GALNT14: variants seen among roughly 807,000 people sequenced by gnomAD.
The protein encoded by GALNT14 is polypeptide N-acetylgalactosaminyltransferase 14, also known as UDP-GalNAc:polypeptide N-acetylgalactosaminyltransferase 14.
Under a neutral mutation model 77.5 loss-of-function variants are expected in GALNT14, and 60 were observed. The ratio of observed to expected loss-of-function variants is 0.77; its 90% CI spans 0.63 to 0.96. The LOEUF is 0.96. Ranked by LOEUF, GALNT14 falls within the 40% of genes least tolerant of loss-of-function variation. The pLI, the probability that GALNT14 is intolerant of heterozygous loss-of-function variation, is 0.00. For missense variants in GALNT14, 710 were observed against 731.0 expected, an observed-to-expected ratio of 0.97 and a Z score of 0.33; for synonymous variants, 280 against 281.7, an observed-to-expected ratio of 0.99 and a Z score of 0.06.
chr2:30,944,715 T>C, intron 8 of GALNT14, 143 bp downstream of exon 8: 1 of 601,886 alleles, frequency 1.7e-6, no homozygotes, highest in South Asian at 3.7e-5. Flanking sequence ...CCTCCTAAAA[T>C]AAAGGCAAAA....
chr2:31,041,091 T>G (rs1242443518), intron 1 of GALNT14, among the ~76,000 whole-genome samples: 1 of 152,082 alleles, frequency 6.6e-6, no homozygotes, highest in African/African-American at 2.4e-5. Flanking sequence ...AGCTTACAAT[T>G]CAGTGCAGCA....
chr2:31,079,185 AGT>A, intron 1 of GALNT14: 1 of 554,972 alleles, frequency 1.8e-6, no homozygotes, highest in Non-Finnish European at 2.7e-6. Flanking sequence ...TCAGTGTGGA[AGT>A]TGGCTGGACA....
intron 1 of GALNT14, among the ~76,000 whole-genome samples, chr2:31,118,222 C>T (rs142675282): frequency 1.3e-3 from 205 of 152,194 alleles, no homozygotes; most frequent in African/African-American, 4.6e-3. Flanking sequence ...AAGAATAAAT[C>T]GGCGAAAGTT....
intron 1 of GALNT14, among the ~76,000 whole-genome samples, chr2:30,996,660 C>T (rs1312176082): frequency 6.6e-6 from 1 of 152,246 alleles, no homozygotes; most frequent in Non-Finnish European, 1.5e-5. Context: ...TCCCTGGCTA[C>T]AGTGCCTTCT....
At chr2:31,057,787 A>C (rs1674332007) in intron 1 of GALNT14, among the ~76,000 whole-genome samples, 1 of 150,944 alleles carries the variant, frequency 6.6e-6, no homozygotes, top group Non-Finnish European at 1.5e-5. Context: ...GACCTTTTCC[A>C]CCCCGCCCTG....
intron 1 of GALNT14, among the ~76,000 whole-genome samples, chr2:31,057,548 T>A (rs1674312841): frequency 6.6e-6 from 1 of 151,554 alleles, no homozygotes; most frequent in Non-Finnish European, 1.5e-5. Context: ...TAGGACCACA[T>A]GAAAGGCAAC....
chr2:30,984,782 G>A (rs1669194052), intron 2 of GALNT14, among the ~76,000 whole-genome samples: 2 of 152,126 alleles, frequency 1.3e-5, no homozygotes, highest in Non-Finnish European at 2.9e-5. Context: ...CCAGCCACGT[G>A]TAAATTCCTT....
Position 31,048,895 on chromosome 2 carries a change from G to A in GALNT14, c.130-55888C>T, listed in dbSNP as rs146125383. Reference sequence around the variant, plus strand: ...ACCACTCATCAGGATTCAAGCCAGTGCCCTGTGCCTGACCGGCTCATTCCC... The same window carrying A: ...ACCACTCATCAGGATTCAAGCCAGTACCCTGTGCCTGACCGGCTCATTCCC... On this transcript the variant is annotated intron_variant, in intron 1 of 14. Transcript: ENST00000349752. Among the ~76,000 whole-genome samples the A allele has an allele frequency of 6.7e-3, 1,027 of 152,218 alleles. 7 individuals are homozygous for A. The highest frequency in any genetic ancestry group is 0.027 in the Middle Eastern group (8 of 294).
chr2:31,114,909 TTCAG>T (rs1025545344), intron 1 of GALNT14: 158 of 696,708 alleles, frequency 2.3e-4, no homozygotes, highest in African/African-American at 2.2e-3. Flanking sequence ...GTATTATGAC[TTCAG>T]TCATACACCA....
At chr2:31,099,204 A>G (rs1481815902) in intron 1 of GALNT14, among the ~76,000 whole-genome samples, 2 of 152,126 alleles carry the variant, frequency 1.3e-5, no homozygotes, top group Admixed American at 6.6e-5. Context: ...TTGATGAGGT[A>G]ATGTTAAGTA....
chr2:31,050,490 C>T (rs1460347711), intron 1 of GALNT14, among the ~76,000 whole-genome samples: 1 of 152,048 alleles, frequency 6.6e-6, no homozygotes, highest in African/African-American at 2.4e-5. Context: ...TGCAGACAGA[C>T]AAAGCCTGCC....
At chr2:31,031,273 G>A (rs545593911) in intron 1 of GALNT14, among the ~76,000 whole-genome samples, 1 of 152,130 alleles carries the variant, frequency 6.6e-6, no homozygotes, top group African/African-American at 2.4e-5. Flanking sequence ...AGGTTGGGGA[G>A]AAAGTCCCAA....
chr2:30,952,623 G>A (rs1449950020), intron 6 of GALNT14, among the ~76,000 whole-genome samples: 3 of 111,220 alleles, frequency 2.7e-5, no homozygotes, highest in African/African-American at 1.1e-4. Context: ...GGTGGGGGGA[G>A]GGGGGAGGGA....
chr2:31,002,327 G>A (rs1437904706), intron 1 of GALNT14, among the ~76,000 whole-genome samples: 1 of 152,102 alleles, frequency 6.6e-6, no homozygotes, highest in Non-Finnish European at 1.5e-5. Flanking sequence ...CTACTTGGGA[G>A]GCTGAGGCAC....
In GALNT14 at chr2:30,963,197, C is replaced by T. The variant is rs545522964; in HGVS notation, c.398+3007G>A. ...TTCTGAAAAGTACAGGGCTGATGGG[C>T]GCCAAGAACCCTCCCAGAGTGCAGG... On this transcript the variant is annotated intron_variant, in intron 3 of 14. Coordinates refer to ENST00000349752, the MANE Select transcript of GALNT14 (RefSeq NM_024572.4). Among the ~76,000 whole-genome samples, 34 of 152,218 alleles carry T rather than the reference C, an allele frequency of 2.2e-4. 1 individual carries two copies. Among genetic ancestry groups the T allele is most frequent in the African/African-American group, 7.0e-4 (29 of 41,528 alleles).
In GALNT14 at chr2:31,057,478, T is replaced by C. The variant is rs554118549; in HGVS notation, c.130-64471A>G. 3.0e-3 allele frequency among the ~76,000 whole-genome samples: 452 copies of C among 149,502 alleles called. 6 individuals are homozygous for C. The highest frequency in any genetic ancestry group is 0.011 in the African/African-American group (434 of 40,432). ...TATATATATATATACCTTGTGTAAATGTAAAGCTGGGCCAAGCCTGGGAGA... is the reference window on the plus strand; with the variant it reads ...TATATATATATATACCTTGTGTAAACGTAAAGCTGGGCCAAGCCTGGGAGA... On this transcript the variant is annotated intron_variant, in intron 1 of 14. Coordinates refer to ENST00000349752, the MANE Select transcript of GALNT14 (RefSeq NM_024572.4).
At chr2:31,024,606 C>T (rs1019265126) in intron 1 of GALNT14, among the ~76,000 whole-genome samples, 27 of 152,256 alleles carry the variant, frequency 1.8e-4, no homozygotes, top group Middle Eastern at 6.8e-3. Flanking sequence ...ACCACCTTCC[C>T]CTTATTCAGC....
chr2:30,905,392 G>T, the GALNT14 span, among the ~76,000 whole-genome samples: 3 of 150,896 alleles, frequency 2.0e-5, no homozygotes, highest in Non-Finnish European at 4.5e-5. Flanking sequence ...GAAAACCAAG[G>T]CTCGAGAACT....
chr2:31,092,705 G>A lies in GALNT14; in HGVS notation c.129+45253C>T, dbSNP rs549548118. Among the ~76,000 whole-genome samples, 42 of 152,310 alleles carry A rather than the reference G, an allele frequency of 2.8e-4. 1 individual carries two copies. The highest frequency in any genetic ancestry group is 7.2e-4 in the Admixed American group (11 of 15,304). ...AAAATCATCTTCAGCTGTCTGAGCTGTTTCAGGGGATGAGTTCCCTGTCAT... is the reference window on the plus strand; with the variant it reads ...AAAATCATCTTCAGCTGTCTGAGCTATTTCAGGGGATGAGTTCCCTGTCAT... On this transcript the variant is annotated intron_variant, in intron 1 of 14. Transcript: ENST00000349752.
Sources: gnomAD v4.1 joint callset for allele counts (sites outside exome capture counted in the v4.1 genomes callset) on GRCh38, gnomAD v4.1.1 for gene constraint, MANE v1.5 for transcripts, NCBI Gene and HGNC (gene_info 2026-07-23, HGNC 2026-07-21) for gene names.